UIMC1: variants seen among roughly 807,000 people sequenced by gnomAD.
UIMC1 encodes BRCA1-A complex subunit RAP80.
A neutral mutation model predicts 84.9 loss-of-function variants in UIMC1; 42 were observed. That is an observed-to-expected ratio of 0.49 (90% CI 0.39 to 0.64). The LOEUF (loss-of-function observed/expected upper bound fraction) is 0.64. Among genes scored for constraint, UIMC1 ranks in the 30% least tolerant of loss-of-function variants. The pLI is 0.00. For synonymous variants in UIMC1, 281 were observed against 293.0 expected (o/e 0.96, Z 0.42); for missense variants, 825 against 847.6 (o/e 0.97, Z 0.33).
At chr5:176,969,505 G>C in intron 5 of UIMC1, 96 bp downstream of exon 5, 1 of 1,344,390 alleles carries the variant, frequency 7.4e-7, no homozygotes, top group Non-Finnish European at 1.0e-6. Flanking sequence ...ATCACCAAAA[G>C]GATCTGGGGT....
At chr5:177,013,081 A>G (rs1414852346) in intron 1 of UIMC1, among the ~76,000 whole-genome samples, 1 of 92,036 alleles carries the variant, frequency 1.1e-5, no homozygotes, top group Non-Finnish European at 2.6e-5. Flanking sequence ...ATCTTGTATC[A>G]AAAAAAAAAA....
At chr5:176,917,549 G>T (rs1761158219) in intron 10 of UIMC1, among the ~76,000 whole-genome samples, 1 of 152,178 alleles carries the variant, frequency 6.6e-6, no homozygotes. Context: ...TCCAGCCTGG[G>T]CGACAGAATG....
chr5:176,938,021 T>C (rs1347848472), intron 10 of UIMC1, among the ~76,000 whole-genome samples: 2 of 151,522 alleles, frequency 1.3e-5, no homozygotes, highest in Non-Finnish European at 2.9e-5. Context: ...AAAGACTCCA[T>C]CTCTACAAAA....
At chr5:176,923,900 GACACACAC>G (rs35583665) in intron 10 of UIMC1, among the ~76,000 whole-genome samples, 14 of 145,656 alleles carry the variant, frequency 9.6e-5, no homozygotes, top group African/African-American at 2.5e-4. Flanking sequence ...CACACACACA[GACACACAC>G]ACACACACAC....
chr5:176,973,313 A>T (rs924745416), intron 3 of UIMC1, among the ~76,000 whole-genome samples: 2 of 152,200 alleles, frequency 1.3e-5, no homozygotes, highest in African/African-American at 4.8e-5. Context: ...ATAAAATAAA[A>T]ATCTTTTTAT....
At chr5:176,994,577 G>T (rs745628312) in intron 1 of UIMC1, among the ~76,000 whole-genome samples, 1 of 151,524 alleles carries the variant, frequency 6.6e-6, no homozygotes, top group Non-Finnish European at 1.5e-5. Context: ...GGAATCTGGA[G>T]ACTGGAGAGA....
intron 6 of UIMC1, among the ~76,000 whole-genome samples, chr5:176,963,955 C>T (rs780733524): frequency 3.6e-4 from 55 of 152,142 alleles, no homozygotes; most frequent in Non-Finnish European, 7.1e-4. Context: ...TCATAATGCT[C>T]TCAAGGTGAT....
chr5:176,971,374 A>G (rs1314173410), intron 3 of UIMC1, among the ~76,000 whole-genome samples: 1 of 152,212 alleles, frequency 6.6e-6, no homozygotes, highest in Non-Finnish European at 1.5e-5. Context: ...ACCGGGGTAC[A>G]CTGAAGAAAT....
chr5:176,961,155 C>T (rs1223377387), intron 6 of UIMC1, among the ~76,000 whole-genome samples: 4 of 73,426 alleles, frequency 5.4e-5, no homozygotes, highest in Non-Finnish European at 9.9e-5. Context: ...GGAGCGTCTC[C>T]GCCCGGCCGC....
At chr5:177,002,657 C>T (rs1217498831) in intron 1 of UIMC1, among the ~76,000 whole-genome samples, 10 of 151,692 alleles carry the variant, frequency 6.6e-5, no homozygotes, top group African/African-American at 2.4e-4. Context: ...AAGAATCAAC[C>T]GGGCGTAGTG....
At chr5:176,967,709 C>A (rs538607609) in intron 6 of UIMC1, among the ~76,000 whole-genome samples, 8 of 152,010 alleles carry the variant, frequency 5.3e-5, no homozygotes, top group African/African-American at 1.7e-4. Context: ...TCGAGACCAG[C>A]CTGGGCAACA....
In UIMC1 at chr5:176,968,750, T is replaced by C. The variant is rs752989011; in HGVS notation, c.1005A>G (p.Glu335=). The change falls in exon 6 of 15, where the codon GAA becomes GAG. Residue 335 remains glutamate, a synonymous_variant. Transcript: ENST00000511320. ...LPRPPSLIQN[E]CGQGEQASEK... ...CACTAGCCTGCTCTCCTTGGCCACA[T>C]TCATTCTGGATCAGAGAAGGAGGTC... The C allele has an allele frequency of 6.2e-7, 1 of 1,614,190 alleles. No homozygotes were observed. Among genetic ancestry groups the C allele is most frequent in the South Asian group, 1.1e-5 (1 of 91,080 alleles).
rs1454710546 is a variant in UIMC1, at chr5:176,968,426, A to C, written c.1200+129T>G. ...TCTTTATACTCTCCTGTACTTTCCT[A>C]ATTTTCTATAGTGAACATGTATTAC... On this transcript the variant is annotated intron_variant, in intron 6 of 14. Coordinates refer to ENST00000511320, the MANE Select transcript of UIMC1 (RefSeq NM_001199298.2). 5.2e-6 allele frequency: 7 copies of C among 1,337,840 alleles called. No homozygotes were observed. In the Admixed American group the frequency reaches 1.8e-4, roughly 34 times the overall value. 82.9% of individuals were successfully genotyped at this position (1,337,840 alleles called of 1,614,324 possible).
At chr5:176,999,116 G>A (rs186731423) in intron 1 of UIMC1, among the ~76,000 whole-genome samples, 19 of 152,220 alleles carry the variant, frequency 1.2e-4, no homozygotes, top group Admixed American at 7.8e-4. Flanking sequence ...ACTTGTGCCC[G>A]TGAGATCAAG....
chr5:176,915,164 C>T (rs1163104586), intron 10 of UIMC1, among the ~76,000 whole-genome samples: 3 of 151,964 alleles, frequency 2.0e-5, no homozygotes, highest in Non-Finnish European at 4.4e-5. Context: ...ATTTCTGTTC[C>T]TATTCACTTA....
At chr5:176,978,429 A>T (rs974591538) in intron 2 of UIMC1, among the ~76,000 whole-genome samples, 12 of 152,138 alleles carry the variant, frequency 7.9e-5, no homozygotes, top group African/African-American at 2.9e-4. Flanking sequence ...TTTATGGGAG[A>T]TTTTTAGGAA....
intron 10 of UIMC1, among the ~76,000 whole-genome samples, chr5:176,912,916 C>T (rs1477578342): frequency 6.6e-6 from 1 of 152,172 alleles, no homozygotes; most frequent in Non-Finnish European, 1.5e-5. Context: ...GATCCACGTG[C>T]CTTAGCCTCC....
At chr5:176,907,075 T>C (rs1759482530) in intron 13 of UIMC1, 39 bp downstream of exon 13, 1 of 1,606,416 alleles carries the variant, frequency 6.2e-7, no homozygotes, top group African/African-American at 1.3e-5. Context: ...CTGAAAGGCC[T>C]TAGGCAGAAG....
chr5:176,926,953 G>A (rs926616493), intron 10 of UIMC1, among the ~76,000 whole-genome samples: 1 of 152,118 alleles, frequency 6.6e-6, no homozygotes, highest in Non-Finnish European at 1.5e-5. Context: ...TTCTCCCTAA[G>A]GATGACAAAG....
Sources: allele counts gnomAD v4.1 joint callset (sites outside exome capture counted in the v4.1 genomes callset), GRCh38; gene constraint gnomAD v4.1.1; transcripts MANE v1.5; gene names NCBI Gene and HGNC (gene_info 2026-07-23, HGNC 2026-07-21).